COA1: variants seen among roughly 807,000 people sequenced by gnomAD.
COA1 encodes cytochrome c oxidase assembly factor 1 homolog.
A neutral mutation model predicts 16.0 loss-of-function variants in COA1; 13 were observed. The observed-to-expected ratio is 0.81, with a 90% CI of 0.53 to 1.29. The LOEUF (loss-of-function observed/expected upper bound fraction) is 1.29, where lower values mean the gene tolerates loss of function less well. Ranked by LOEUF, COA1 falls within the 50% of genes most tolerant of loss-of-function variation. The probability of loss-of-function intolerance (pLI) is 0.00; values close to 1 mark genes in which losing one functional copy is unlikely to be tolerated. For synonymous variants in COA1, 65 were observed against 65.7 expected (o/e 0.99, Z 0.05); for missense variants, 179 against 177.0 (o/e 1.01, Z -0.06).
chr7:43,715,931 A>G (rs752025523), intron 1 of COA1, among the ~76,000 whole-genome samples: 18 of 152,268 alleles, frequency 1.2e-4, no homozygotes, highest in Admixed American at 3.3e-4. Context: ...TGGTTTTATC[A>G]GGGGTTTCCG....
At chr7:43,725,239 AAAAAAAAAAAAAG>A (rs1213126211) in intron 1 of COA1, among the ~76,000 whole-genome samples, 1 of 106,986 alleles carries the variant, frequency 9.3e-6, no homozygotes, top group Non-Finnish European at 2.5e-5. Context: ...ACTCCATCTC[AAAAAAAAAAAAAG>A]AAAAAGAAAA....
chr7:43,698,102 T>C (rs2094586009), intron 1 of COA1, among the ~76,000 whole-genome samples: 1 of 152,168 alleles, frequency 6.6e-6, no homozygotes, highest in Non-Finnish European at 1.5e-5. Context: ...TTAATTAGAT[T>C]AATACAGGAT....
chr7:43,686,866 T>C (rs1268819997), intron 1 of COA1, among the ~76,000 whole-genome samples: 1 of 152,230 alleles, frequency 6.6e-6, no homozygotes, highest in African/African-American at 2.4e-5. Context: ...AAAATTGATA[T>C]AGTGAGTTCC....
At chr7:43,651,870 A>AC (rs1398702815) in intron 1 of COA1, among the ~76,000 whole-genome samples, 1 of 151,968 alleles carries the variant, frequency 6.6e-6, no homozygotes, top group East Asian at 1.9e-4. Context: ...AGTTGCATGC[A>AC]CCTGTGGTCC....
chr7:43,624,309 T>C (rs984127025), intron 6 of COA1, among the ~76,000 whole-genome samples: 3 of 152,178 alleles, frequency 2.0e-5, no homozygotes, highest in South Asian at 4.1e-4. Context: ...ATAACTTACT[T>C]AAAATATTTC....
chr7:43,713,452 A>G (rs1342204594), intron 1 of COA1, among the ~76,000 whole-genome samples: 3 of 152,030 alleles, frequency 2.0e-5, no homozygotes, highest in Non-Finnish European at 2.9e-5. Context: ...ATAACTTTGT[A>G]CTCATTTGAA....
chr7:43,657,538 A>G (rs973206735), intron 1 of COA1, among the ~76,000 whole-genome samples: 4 of 152,356 alleles, frequency 2.6e-5, no homozygotes, highest in East Asian at 3.9e-4. Context: ...ATATTTGCCA[A>G]CTGCATCCAA....
intron 1 of COA1, among the ~76,000 whole-genome samples, chr7:43,672,788 AAG>A (rs1007689541): frequency 6.6e-6 from 1 of 151,702 alleles, no homozygotes; most frequent in Non-Finnish European, 1.5e-5. Context: ...AAAAAAAAAA[AAG>A]AGAGAGAGAC....
chr7:43,643,729 A>G (rs990479736), intron 4 of COA1, among the ~76,000 whole-genome samples: 2 of 152,168 alleles, frequency 1.3e-5, no homozygotes, highest in African/African-American at 4.8e-5. Flanking sequence ...ACTGCACACC[A>G]GTGTGGCCAC....
intron 1 of COA1, among the ~76,000 whole-genome samples, chr7:43,718,699 C>A (rs955101343): frequency 7.9e-5 from 12 of 152,138 alleles, no homozygotes; most frequent in African/African-American, 2.9e-4. Context: ...ATGTCTTTTG[C>A]ACCTCAATTT....
intron 1 of COA1, among the ~76,000 whole-genome samples, chr7:43,677,455 G>C (rs1421329832): frequency 5.3e-5 from 8 of 152,188 alleles, no homozygotes; most frequent in African/African-American, 1.7e-4. Context: ...AAATAAAAGA[G>C]AGAAACAGGA....
chr7:43,713,594 G>C (rs200744601), intron 1 of COA1, among the ~76,000 whole-genome samples: 2 of 152,148 alleles, frequency 1.3e-5, no homozygotes, highest in Admixed American at 1.3e-4. Flanking sequence ...AATTGGGGTA[G>C]GAGATTGTTG....
rs116351007 is a variant in COA1 at position 43,671,494 on chromosome 7, G to T, written c.-38-22842C>A. Among the ~76,000 whole-genome samples, 331 of 152,124 alleles carry T rather than the reference G, an allele frequency of 2.2e-3. 2 individuals are homozygous for T. The highest frequency in any genetic ancestry group is 7.7e-3 in the African/African-American group (319 of 41,508). On this transcript the variant is annotated intron_variant, in intron 1 of 5. Transcript: ENST00000223336. ...TAATGGCCACGAAAAAATAAAGAAG[G>T]TATCTAGGAATATATCTAATGAAGG... is the stretch of plus-strand genomic sequence containing the variant.
chr7:43,708,990 G>A (rs1249055392), intron 1 of COA1, among the ~76,000 whole-genome samples: 1 of 151,122 alleles, frequency 6.6e-6, no homozygotes, highest in African/African-American at 2.4e-5. Flanking sequence ...CATACTGTAA[G>A]GTCACATAGA....
At chr7:43,620,518 A>G (rs549983161) in intron 6 of COA1, among the ~76,000 whole-genome samples, 48 of 152,284 alleles carry the variant, frequency 3.2e-4, no homozygotes, top group African/African-American at 1.1e-3. Context: ...TACTAAAAAT[A>G]CAAAAATTAG....
At chr7:43,665,080 T>C (rs1024622964) in intron 1 of COA1, among the ~76,000 whole-genome samples, 2 of 152,152 alleles carry the variant, frequency 1.3e-5, no homozygotes, top group East Asian at 3.8e-4. Context: ...AATAGGAGAA[T>C]TGCTCATTTC....
At chr7:43,619,218 A>G (rs1359674735) in intron 6 of COA1, among the ~76,000 whole-genome samples, 2 of 152,248 alleles carry the variant, frequency 1.3e-5, no homozygotes, top group Non-Finnish European at 2.9e-5. Context: ...GAAGAGATTT[A>G]GTTGCACTGA....
chr7:43,720,309 C>T (rs2095480721), intron 1 of COA1, among the ~76,000 whole-genome samples: 2 of 151,764 alleles, frequency 1.3e-5, no homozygotes, highest in African/African-American at 4.8e-5. Flanking sequence ...TTCCAATGCT[C>T]AGTATAATTT....
intron 1 of COA1, among the ~76,000 whole-genome samples, chr7:43,696,223 G>A (rs2131205818): frequency 6.6e-6 from 1 of 152,240 alleles, no homozygotes; most frequent in South Asian, 2.1e-4. Flanking sequence ...CGGTAAAGAG[G>A]CAAAGAGAAA....
Sources: gnomAD v4.1 joint callset for allele counts (sites outside exome capture counted in the v4.1 genomes callset) on GRCh38, gnomAD v4.1.1 for gene constraint, MANE v1.5 for transcripts, NCBI Gene and HGNC (gene_info 2026-07-23, HGNC 2026-07-21) for gene names.